DMD: variants seen among roughly 807,000 people sequenced by gnomAD.
DMD encodes the protein dystrophin.
Under a neutral mutation model 330.1 loss-of-function variants are expected in DMD, and 63 were observed. The observed-to-expected ratio is 0.19, with a 90% CI of 0.16 to 0.24. The LOEUF (loss-of-function observed/expected upper bound fraction) is 0.24, where lower values mean the gene tolerates loss of function less well. Among genes scored for constraint, DMD ranks in the 10% least tolerant of loss-of-function variants. DMD has a pLI of 1.00. For missense variants in DMD, 3,344 were observed against 2,684.1 expected, an observed-to-expected ratio of 1.25 and a Z score of -5.43; for synonymous variants, 1,223 against 959.8, an observed-to-expected ratio of 1.27 and a Z score of -5.07.
At chrX:31,612,655 C>G (rs1391051054) in intron 55 of DMD, among the ~76,000 whole-genome samples, 1 of 111,425 alleles carries the variant, frequency 9.0e-6, no homozygotes, top group African/African-American at 3.3e-5. Context: ...CAGGTATATT[C>G]TAAATATTAA....
intron 18 of DMD, among the ~76,000 whole-genome samples, chrX:32,514,651 G>T (rs1187202713): frequency 8.9e-6 from 1 of 112,405 alleles, no homozygotes; most frequent in Non-Finnish European, 1.9e-5. Flanking sequence ...TGAGGCAGGA[G>T]AACGGCGTGA....
At chrX:33,028,247 G>T (rs2094038937) in intron 1 of DMD, among the ~76,000 whole-genome samples, 1 of 111,672 alleles carries the variant, frequency 9.0e-6, no homozygotes, top group Non-Finnish European at 1.9e-5. Context: ...GGTAGTATTG[G>T]TAAGTACTAA....
chrX:32,157,574 T>A (rs2096835092), intron 44 of DMD, among the ~76,000 whole-genome samples: 1 of 112,496 alleles, frequency 8.9e-6, no homozygotes, highest in African/African-American at 3.2e-5. Flanking sequence ...GCACCATTTC[T>A]GTAATTCTGG....
chrX:31,329,855 C>T (rs1452809622), intron 61 of DMD, among the ~76,000 whole-genome samples: 1 of 106,113 alleles, frequency 9.4e-6, no homozygotes, highest in African/African-American at 3.5e-5. Flanking sequence ...CCTATAGTCC[C>T]AGCTACTCGG....
chrX:31,858,207 T>C (rs915510632), intron 48 of DMD, among the ~76,000 whole-genome samples: 7 of 111,737 alleles, frequency 6.3e-5, no homozygotes, highest in Middle Eastern at 4.7e-3. Flanking sequence ...TCTCAGTATA[T>C]AGAATTGTAT....
At chrX:33,282,599 C>T (rs1297837876) in intron 1 of DMD, among the ~76,000 whole-genome samples, 1 of 111,923 alleles carries the variant, frequency 8.9e-6, no homozygotes, top group African/African-American at 3.2e-5. Flanking sequence ...CTTGCTGTGA[C>T]AAAATTCCTC....
chrX:32,224,231 A>G (rs1399777049), intron 43 of DMD, among the ~76,000 whole-genome samples: 1 of 111,060 alleles, frequency 9.0e-6, no homozygotes, highest in Non-Finnish European at 1.9e-5. Context: ...CCACTTTATT[A>G]TTTTTATTCA....
intron 7 of DMD, among the ~76,000 whole-genome samples, chrX:32,739,538 G>T (rs2068963179): frequency 9.0e-6 from 1 of 111,647 alleles, no homozygotes; most frequent in South Asian, 3.7e-4. Flanking sequence ...TTTGGAAAAG[G>T]TTTGTAGGAA....
At chrX:32,606,726 T>G (rs1252871137) in intron 12 of DMD, among the ~76,000 whole-genome samples, 1 of 48,275 alleles carries the variant, frequency 2.1e-5, no homozygotes, top group Admixed American at 2.2e-4. Flanking sequence ...TATACGCATA[T>G]ATATATATAT....
At chrX:32,735,138 C>T (rs1200294832) in intron 7 of DMD, among the ~76,000 whole-genome samples, 1 of 107,900 alleles carries the variant, frequency 9.3e-6, no homozygotes, top group Non-Finnish European at 1.9e-5. Context: ...AGCAGAGAGC[C>T]AAATCATGAG....
At chrX:31,121,984 C>T in intron 78 of DMD, 54 bp from the exon 79 acceptor site, 2 of 924,844 alleles carry the variant, frequency 2.2e-6, no homozygotes, top group Non-Finnish European at 3.1e-6. Flanking sequence ...AGATAGATAG[C>T]ATCACTCTGT....
In DMD at chrX:32,607,684, T is replaced by A. The variant is rs192775216; in HGVS notation, c.1482+6619A>T. Among the ~76,000 whole-genome samples the A allele has an allele frequency of 2.9e-4, 32 of 110,787 alleles. 1 individual carries two copies. The East Asian group carries it at 8.2e-3, about 28-fold the overall frequency. On this transcript the variant is annotated intron_variant, in intron 12 of 78. Coordinates refer to ENST00000357033, the MANE Select transcript of DMD (RefSeq NM_004006.3). Reference sequence around the variant, plus strand: ...ACATGCATTTTGTTATAAGATACGGTCATACATTTGATAAGGAAAATTATT... The same window carrying A: ...ACATGCATTTTGTTATAAGATACGGACATACATTTGATAAGGAAAATTATT...
At chrX:32,222,148 C>A (rs1424959849) in intron 43 of DMD, among the ~76,000 whole-genome samples, 1 of 111,851 alleles carries the variant, frequency 8.9e-6, no homozygotes, top group Admixed American at 9.6e-5. Context: ...ACTTTTAGTT[C>A]TTTAAGAAAT....
At position 32,615,306 on chromosome X, in the gene DMD, A is replaced by G. The variant is rs1043373046; in HGVS notation, c.1332-853T>C. ...AAATAGTGGGCTGGGTAATGAATTT[A>G]AAGTCCAAAGGCCTAGGTTCACAGC... On this transcript the variant is annotated intron_variant, in intron 11 of 78. Coordinates refer to ENST00000357033, the MANE Select transcript of DMD (RefSeq NM_004006.3). 8.1e-5 allele frequency among the ~76,000 whole-genome samples: 9 copies of G among 111,663 alleles called. No individual in the cohort carries two copies. In the East Asian group the frequency reaches 1.7e-3, roughly 21 times the overall value.
Position 32,535,640 on chromosome X carries a change from T to G in DMD, c.2168+9519A>C, listed in dbSNP as rs150559386. ...AGGGATATTAGCAGCTTCCTTACGT[T>G]ACTAGTGCTTTGAGTTGCCTCTCCA... On this transcript the variant is annotated intron_variant, in intron 17 of 78. Coordinates refer to ENST00000357033, the MANE Select transcript of DMD (RefSeq NM_004006.3). 8.1e-3 allele frequency among the ~76,000 whole-genome samples: 904 copies of G among 111,610 alleles called. 14 individuals are homozygous for G. Among genetic ancestry groups the G allele is most frequent in the African/African-American group, 0.028 (866 of 30,526 alleles).
intron 45 of DMD, among the ~76,000 whole-genome samples, chrX:31,951,825 C>T (rs778422716): frequency 1.8e-5 from 2 of 111,429 alleles, no homozygotes; most frequent in South Asian, 7.4e-4. Flanking sequence ...CATTTGGGTT[C>T]GAGTTACTGA....
intron 44 of DMD, among the ~76,000 whole-genome samples, chrX:32,158,065 T>A (rs1257129116): frequency 9.0e-6 from 1 of 111,629 alleles, no homozygotes; most frequent in East Asian, 2.8e-4. Flanking sequence ...TGAACAGGGG[T>A]TTGTGGAGGC....
chrX:31,140,300 C>G (rs751477706), intron 76 of DMD, among the ~76,000 whole-genome samples: 62 of 112,332 alleles, frequency 5.5e-4, no homozygotes, highest in African/African-American at 2.0e-3. Flanking sequence ...TTGTCTGAAT[C>G]TAAACAAATT....
At chrX:32,866,090 G>A (rs1179405154) in intron 2 of DMD, among the ~76,000 whole-genome samples, 2 of 112,301 alleles carry the variant, frequency 1.8e-5, no homozygotes, top group East Asian at 2.8e-4. Flanking sequence ...TGCATTTACC[G>A]TAAGAGCACA....
Sources: gnomAD v4.1 joint callset for allele counts (sites outside exome capture counted in the v4.1 genomes callset) on GRCh38, gnomAD v4.1.1 for gene constraint, MANE v1.5 for transcripts, NCBI Gene and HGNC (gene_info 2026-07-23, HGNC 2026-07-21) for gene names.